Variants in PRKX observed in about 807,000 individuals in gnomAD.
PRKX encodes protein kinase cAMP-dependent X-linked catalytic subunit.
A neutral mutation model predicts 22.0 loss-of-function variants in PRKX; 12 were observed. That is an observed-to-expected ratio of 0.54 (90% CI 0.35 to 0.88). PRKX has a LOEUF of 0.88. PRKX is among the 40% of genes least tolerant of loss of function. The pLI is 0.01. For missense variants in PRKX, 217 were observed against 308.0 expected, an observed-to-expected ratio of 0.70 and a Z score of 2.21; for synonymous variants, 134 against 137.7, an observed-to-expected ratio of 0.97 and a Z score of 0.19.
Position 3,641,931 on chromosome X carries a change from C to G in PRKX, c.640G>C (p.Glu214Gln). ...CCGTGGCCCTTGCTCTGAATGACTTCGGGGGCTAGGTACTCGGGTGTTCCA... is the reference window on the plus strand; with the variant it reads ...CCGTGGCCCTTGCTCTGAATGACTTGGGGGGCTAGGTACTCGGGTGTTCCA... ...LCGTPEYLAP[E>Q]VIQSKGHGRA... is the part of the protein sequence containing the mutation. Residue 214 changes from glutamate to glutamine, a missense_variant, in exon 4 of 9, where the codon GAA (glutamate) becomes CAA (glutamine). Glu to Gln is a conservative substitution (Grantham distance 29). Coordinates refer to ENST00000262848, the MANE Select transcript of PRKX (RefSeq NM_005044.5). 1 of 743,657 alleles carries G rather than the reference C, an allele frequency of 1.3e-6. No homozygotes were observed. 61.3% of individuals were successfully genotyped at this position (743,657 alleles called of 1,213,427 possible). A position where few individuals can be genotyped will look rare whatever the true frequency, so the allele number is the denominator to read the frequency against.
intron 3 of PRKX, among the ~76,000 whole-genome samples, chrX:3,653,921 A>T (rs184763594): frequency 0.052 from 2,434 of 46,417 alleles, 6 homozygotes; most frequent in East Asian, 0.18. Flanking sequence ...GATATATATA[A>T]TATATATTAT....
Position 3,637,291 on chromosome X carries a change from C to T in PRKX, c.719+4561G>A, listed in dbSNP as rs766986337. 5.4e-5 allele frequency among the ~76,000 whole-genome samples: 6 copies of T among 111,548 alleles called. No individual in the cohort carries two copies. In the East Asian group the frequency reaches 1.7e-3, roughly 32 times the overall value. On this transcript the variant is annotated intron_variant, in intron 4 of 8. Coordinates refer to ENST00000262848, the MANE Select transcript of PRKX (RefSeq NM_005044.5). ...TGGACAACCCACAGGCAGACCGTCT[C>T]AGAACCTCATATGATAACGAGCCTC...
intron 1 of PRKX, among the ~76,000 whole-genome samples, chrX:3,689,323 G>A (rs1191259879): frequency 3.6e-5 from 4 of 112,336 alleles, no homozygotes; most frequent in African/African-American, 1.3e-4. Context: ...AATTACTGCT[G>A]CAAACAAGTA....
chrX:3,654,983 C>T (rs1235736484), intron 3 of PRKX, among the ~76,000 whole-genome samples, 166 bp downstream of exon 3: 1 of 111,070 alleles, frequency 9.0e-6, no homozygotes, highest in South Asian at 3.8e-4. Context: ...CCACCTAAAA[C>T]GAGCTGTGGG....
rs1345567238 is a variant in PRKX at position 3,604,553 on chromosome X, C to T, written c.*4416G>A. 1 of 112,303 alleles carries T rather than the reference C, an allele frequency of 8.9e-6. No homozygotes were observed. Among genetic ancestry groups the T allele is most frequent in the African/African-American group, 3.2e-5 (1 of 30,828 alleles). The allele number at this position is 112,303 out of a possible 1,213,427, so 9.3% of individuals were successfully genotyped here. On this transcript the variant is annotated 3_prime_UTR_variant, in exon 9 of 9. Transcript: ENST00000262848. ...CGACCCCCCATGAGAAGGGGTCACC[C>T]CGCGGGGTTCCCAGTTCTGGCTCGC...
chrX:3,701,493 A>C (rs1386472451), intron 1 of PRKX, among the ~76,000 whole-genome samples: 3 of 112,334 alleles, frequency 2.7e-5, no homozygotes, highest in African/African-American at 9.7e-5. Context: ...GCACCTTTTG[A>C]TTTTTGGAAT....
At chrX:3,626,860 C>A (rs1169257821) in intron 4 of PRKX, among the ~76,000 whole-genome samples, 1 of 111,943 alleles carries the variant, frequency 8.9e-6, no homozygotes, top group Non-Finnish European at 1.9e-5. Flanking sequence ...GACAGCAATG[C>A]TCTCTCATGT....
chrX:3,703,613 G>T (rs1245412266), intron 1 of PRKX, among the ~76,000 whole-genome samples: 1 of 109,897 alleles, frequency 9.1e-6, no homozygotes, highest in Non-Finnish European at 1.9e-5. Flanking sequence ...TGCCATCATG[G>T]GAGAATTGCT....
At chrX:3,638,752 C>T (rs1291004118) in intron 4 of PRKX, among the ~76,000 whole-genome samples, 1 of 109,786 alleles carries the variant, frequency 9.1e-6, no homozygotes, top group Admixed American at 9.8e-5. Context: ...TTGATAAATA[C>T]ATAGATATAT....
At chrX:3,636,953 TGAAAGGAAAG>T (rs1450186343) in intron 4 of PRKX, among the ~76,000 whole-genome samples, 1 of 73,469 alleles carries the variant, frequency 1.4e-5, no homozygotes, top group South Asian at 6.1e-4. Context: ...GGAAAGGAAA[TGAAAGGAAAG>T]GAAAGGAAAA....
At chrX:3,713,021 T>C in intron 1 of PRKX, 67 bp downstream of exon 1, 1 of 1,096,389 alleles carries the variant, frequency 9.1e-7, no homozygotes, top group South Asian at 2.1e-5. Context: ...GGGCCCTTTG[T>C]CCTACTACAA....
In PRKX at chrX:3,618,599, T is replaced by A. The variant is rs771104934; in HGVS notation, c.873+2660A>T. ...ACTTCATGTTGTACATGCTAAATAATACCATTTTCATGTGTTAATTTAAAA... is the reference window on the plus strand; with the variant it reads ...ACTTCATGTTGTACATGCTAAATAAAACCATTTTCATGTGTTAATTTAAAA... On this transcript the variant is annotated intron_variant, in intron 6 of 8. Transcript: ENST00000262848. Among the ~76,000 whole-genome samples the A allele has an allele frequency of 4.5e-5, 5 of 110,111 alleles. No individual in the cohort carries two copies. The East Asian group carries it at 1.4e-3, about 31-fold the overall frequency.
intron 3 of PRKX, among the ~76,000 whole-genome samples, chrX:3,642,971 C>T (rs186889997): frequency 4.9e-4 from 46 of 93,604 alleles, no homozygotes; most frequent in Admixed American, 2.4e-3. Flanking sequence ...GCACTTTACA[C>T]TCCAACCTGG....
intron 4 of PRKX, among the ~76,000 whole-genome samples, chrX:3,639,846 G>T (rs981040597): frequency 9.0e-6 from 1 of 110,630 alleles, no homozygotes; most frequent in Non-Finnish European, 1.9e-5. Context: ...CACATGGGAC[G>T]ATGACCCCTG....
intron 1 of PRKX, among the ~76,000 whole-genome samples, chrX:3,699,149 G>A (rs7050288): frequency 0.014 from 1,512 of 105,357 alleles, 29 homozygotes; most frequent in African/African-American, 0.05. Flanking sequence ...CAATTCTCCT[G>A]CCTCAGCTTC....
At position 3,630,422 on chromosome X, in the gene PRKX, T is replaced by C. The variant is rs763041910; in HGVS notation, c.720-3908A>G. On this transcript the variant is annotated intron_variant, in intron 4 of 8. Coordinates refer to ENST00000262848, the MANE Select transcript of PRKX (RefSeq NM_005044.5). Reference sequence around the variant, plus strand: ...AAAAATACAAAAAATTAGCCAGGCGTGGTGGCGGGCGCCTGTAATCCCAGC... The same window carrying C: ...AAAAATACAAAAAATTAGCCAGGCGCGGTGGCGGGCGCCTGTAATCCCAGC... Among the ~76,000 whole-genome samples the C allele has an allele frequency of 3.6e-5, 4 of 110,967 alleles. No individual in the cohort carries two copies. The East Asian group carries it at 8.6e-4, about 24-fold the overall frequency.
chrX:3,704,071 T>C (rs758348704), intron 1 of PRKX, among the ~76,000 whole-genome samples: 1 of 111,821 alleles, frequency 8.9e-6, no homozygotes, highest in East Asian at 2.8e-4. Context: ...ATGTCCATCA[T>C]CCTGTCTCAC....
At chrX:3,616,631 G>A (rs766864600) in intron 6 of PRKX, among the ~76,000 whole-genome samples, 74 of 112,168 alleles carry the variant, frequency 6.6e-4, no homozygotes, top group African/African-American at 2.4e-3. Flanking sequence ...AATTTAACGC[G>A]TCTATCAGTT....
rs138361412 is a variant in PRKX at position 3,698,632 on chromosome X, A to T, written c.166+14456T>A. Among the ~76,000 whole-genome samples the T allele has an allele frequency of 2.8e-4, 31 of 111,287 alleles. No individual in the cohort carries two copies. The East Asian group carries it at 5.6e-3, about 20-fold the overall frequency. ...CTCACTGCCGCTCAGGCTGGAGTGC[A>T]GTGGCATACACAGTGGTGTGATCTC... On this transcript the variant is annotated intron_variant, in intron 1 of 8. Coordinates refer to ENST00000262848, the MANE Select transcript of PRKX (RefSeq NM_005044.5).
Sources: allele counts gnomAD v4.1 joint callset (sites outside exome capture counted in the v4.1 genomes callset), GRCh38; gene constraint gnomAD v4.1.1; transcripts MANE v1.5; gene names NCBI Gene and HGNC (gene_info 2026-07-23, HGNC 2026-07-21).